DLGAP2: variants seen among roughly 807,000 people sequenced by gnomAD.
DLGAP2 encodes disks large-associated protein 2.
DLGAP2 carries 26 observed loss-of-function variants against 100.3 expected under a neutral mutation model. The observed-to-expected ratio is 0.26, with a 90% confidence interval of 0.19 to 0.36. The LOEUF (loss-of-function observed/expected upper bound fraction) is 0.36. Ranked by LOEUF, DLGAP2 falls within the 10% of genes least tolerant of loss-of-function variation. The pLI is 1.00. For synonymous variants in DLGAP2, 886 were observed against 630.1 expected (o/e 1.41, Z -6.08); for missense variants, 1,858 against 1,453.2 (o/e 1.28, Z -4.53).
chr8:1,377,792 T>G (rs1357049112), intron 3 of DLGAP2: 1 of 152,254 alleles, frequency 6.6e-6, no homozygotes, highest in African/African-American at 2.4e-5. Flanking sequence ...TTTTCACCTT[T>G]GTGATGTAAG....
At chr8:1,196,907 G>A (rs192699822) in intron 2 of DLGAP2, among the ~76,000 whole-genome samples, 115 of 152,244 alleles carry the variant, frequency 7.6e-4, no homozygotes, top group African/African-American at 2.5e-3. Flanking sequence ...GGAATTGGTC[G>A]CTGTGATTAT....
At chr8:738,801 G>A (rs894043121) in intron 1 of DLGAP2, 2 of 152,558 alleles carry the variant, frequency 1.3e-5, no homozygotes, top group African/African-American at 4.8e-5. Context: ...CCCGGGGAGG[G>A]GCCTGGAGGA....
At chr8:1,272,873 G>A (rs1799610936) in intron 3 of DLGAP2, among the ~76,000 whole-genome samples, 1 of 152,156 alleles carries the variant, frequency 6.6e-6, no homozygotes, top group Admixed American at 6.5e-5. Flanking sequence ...GGGGGCAGAA[G>A]GGTGTGTAGT....
At chr8:1,137,689 A>G (rs1351403410) in intron 2 of DLGAP2, 8 of 152,376 alleles carry the variant, frequency 5.3e-5, no homozygotes, top group African/African-American at 1.9e-4. Flanking sequence ...TGCAACTTAC[A>G]GCCTTGCTCT....
chr8:1,193,185 A>C (rs1036100049), intron 2 of DLGAP2, among the ~76,000 whole-genome samples: 1 of 152,156 alleles, frequency 6.6e-6, no homozygotes, highest in Non-Finnish European at 1.5e-5. Context: ...TGGGTATATA[A>C]CCGGTAATGG....
At chr8:1,559,271 C>T (rs1336599173) in intron 5 of DLGAP2, among the ~76,000 whole-genome samples, 1 of 152,200 alleles carries the variant, frequency 6.6e-6, no homozygotes, top group Non-Finnish European at 1.5e-5. Flanking sequence ...GAAATTTATT[C>T]ATTCCTTCAC....
intron 10 of DLGAP2, among the ~76,000 whole-genome samples, chr8:1,672,710 C>CAGCT (rs1798721068): frequency 6.6e-6 from 1 of 152,244 alleles, no homozygotes; most frequent in Non-Finnish European, 1.5e-5. Flanking sequence ...GCCTCACAGG[C>CAGCT]AGCTGCTCTT....
chr8:1,081,736 G>A (rs1803818454), intron 2 of DLGAP2, among the ~76,000 whole-genome samples: 1 of 152,090 alleles, frequency 6.6e-6, no homozygotes, highest in African/African-American at 2.4e-5. Flanking sequence ...CTTTCCTATA[G>A]GCAGGGCACC....
chr8:1,357,778 G>A (rs373653083), intron 3 of DLGAP2, among the ~76,000 whole-genome samples: 10 of 152,312 alleles, frequency 6.6e-5, no homozygotes, highest in African/African-American at 1.9e-4. Context: ...GAGCAGCCTC[G>A]TAGTGCCATG....
At chr8:1,161,325 T>C (rs1796884610) in intron 2 of DLGAP2, among the ~76,000 whole-genome samples, 2 of 152,142 alleles carry the variant, frequency 1.3e-5, no homozygotes, top group South Asian at 4.1e-4. Context: ...GGAAAGGAGA[T>C]GGTAAGTGGA....
Position 1,370,045 on chromosome 8 carries a change from C to T in DLGAP2, c.106+111162C>T, listed in dbSNP as rs144847124. 2.0e-5 allele frequency among the ~76,000 whole-genome samples: 3 copies of T among 152,274 alleles called. No homozygotes were observed. In the East Asian group the frequency reaches 5.8e-4, roughly 29 times the overall value. On this transcript the variant is annotated intron_variant, in intron 3 of 14. Coordinates refer to ENST00000637795, the MANE Select transcript of DLGAP2 (RefSeq NM_001346810.2). ...AGCAGCATCCTCCCCAGTTGCGGTC[C>T]AGCCCCCATTGGCCATTTCTCGGGG...
At chr8:1,594,189 C>G (rs1012086005) in intron 6 of DLGAP2, among the ~76,000 whole-genome samples, 2 of 151,958 alleles carry the variant, frequency 1.3e-5, no homozygotes, top group African/African-American at 4.8e-5. Flanking sequence ...GAGAAAGGCA[C>G]CAGTGCGGAA....
rs577075883 is a variant in DLGAP2, at chr8:1,343,386, G to A, written c.106+84503G>A. ...GACACGGCCAACCGGAGTTGCCCAC[G>A]AGCCTGTGTCCTGGGGTTTTCTTGG... On this transcript the variant is annotated intron_variant, in intron 3 of 14. Transcript: ENST00000637795. Among the ~76,000 whole-genome samples, 12 of 152,194 alleles carry A rather than the reference G, an allele frequency of 7.9e-5. No homozygotes were observed. In the South Asian group the frequency reaches 1.9e-3, roughly 24 times the overall value.
In DLGAP2 at chr8:979,064, C is replaced by T. The variant is rs938040897; in HGVS notation, c.73+71098C>T. On this transcript the variant is annotated intron_variant, in intron 2 of 14. Transcript: ENST00000637795. ...GCAGGAGTGTTCAGGAGCATGCAGT[C>T]CGAATGCTAGCCCTTGTCATTAAGA... Among the ~76,000 whole-genome samples, 18 of 152,072 alleles carry T rather than the reference C, an allele frequency of 1.2e-4. 1 individual carries two copies. Among genetic ancestry groups the T allele is most frequent in the Admixed American group, 1.2e-3 (18 of 15,276 alleles).
At chr8:1,541,958 C>T (rs1801376327) in intron 4 of DLGAP2, among the ~76,000 whole-genome samples, 1 of 152,196 alleles carries the variant, frequency 6.6e-6, no homozygotes, top group South Asian at 2.1e-4. Flanking sequence ...ATGACTGTCA[C>T]AGGACCTTTG....
intron 1 of DLGAP2, among the ~76,000 whole-genome samples, chr8:770,961 T>C (rs909915483): frequency 4.6e-5 from 7 of 152,116 alleles, no homozygotes; most frequent in Non-Finnish European, 8.8e-5. Flanking sequence ...CTTCTTAGTG[T>C]AAACAGGGGT....
chr8:1,220,297 G>C (rs891583656), intron 2 of DLGAP2, among the ~76,000 whole-genome samples: 1 of 152,066 alleles, frequency 6.6e-6, no homozygotes, highest in African/African-American at 2.4e-5. Flanking sequence ...CAAAGATTGT[G>C]GCATGTTGTA....
chr8:813,455 AAAGATGCCTCATGTGAAAT>A (rs1294999110), intron 1 of DLGAP2, among the ~76,000 whole-genome samples: 3 of 152,222 alleles, frequency 2.0e-5, no homozygotes, highest in Non-Finnish European at 4.4e-5. Flanking sequence ...TTTATTAGAA[AAAGATGCCTCATGTGAAAT>A]AGAAACATGA....
chr8:1,464,869 G>A (rs971891530), intron 3 of DLGAP2, among the ~76,000 whole-genome samples: 10 of 152,196 alleles, frequency 6.6e-5, no homozygotes, highest in African/African-American at 1.9e-4. Context: ...GAGTTTCAGA[G>A]GAGGACATAG....
Sources: allele counts gnomAD v4.1 joint callset (sites outside exome capture counted in the v4.1 genomes callset), GRCh38; gene constraint gnomAD v4.1.1; transcripts MANE v1.5; gene names NCBI Gene and HGNC (gene_info 2026-07-23, HGNC 2026-07-21).